The following SGCD variants were observed in gnomAD, a reference collection of about 807,000 sequenced individuals.
SGCD encodes the protein delta-sarcoglycan.
In SGCD, 18 loss-of-function variants were observed where a neutral mutation model predicts 36.6. The observed-to-expected ratio is 0.49, with a 90% CI of 0.34 to 0.73. SGCD has a LOEUF of 0.73. SGCD is among the 30% of genes least tolerant of loss of function. SGCD has a pLI of 0.01. For missense variants in SGCD, 387 were observed against 346.7 expected (o/e 1.12, Z -0.92); for synonymous variants, 133 against 130.6 (o/e 1.02, Z -0.12).
At chr5:156,608,126 T>C (rs1268821984) in intron 6 of SGCD, among the ~76,000 whole-genome samples, 2 of 152,242 alleles carry the variant, frequency 1.3e-5, no homozygotes, top group Non-Finnish European at 2.9e-5. Flanking sequence ...GTCCTTTTAA[T>C]TGTGATGTTA....
chr5:156,649,828 T>A (rs1414368361), intron 7 of SGCD, among the ~76,000 whole-genome samples: 1 of 152,132 alleles, frequency 6.6e-6, no homozygotes, highest in East Asian at 1.9e-4. Context: ...AACCTGCACG[T>A]TGTGCACATG....
intron 3 of SGCD, among the ~76,000 whole-genome samples, chr5:156,366,324 G>T (rs1034931780): frequency 5.9e-5 from 9 of 152,192 alleles, no homozygotes; most frequent in Non-Finnish European, 1.2e-4. Context: ...AGGTCAGGTG[G>T]TGGTGGAACA....
At chr5:155,757,050 G>A in the SGCD span, among the ~76,000 whole-genome samples, 1 of 152,212 alleles carries the variant, frequency 6.6e-6, no homozygotes, top group East Asian at 1.9e-4. Context: ...CGGGGTCTAT[G>A]CTGAAAGAGG....
chr5:156,221,775 C>T (rs1764722007), intron 3 of SGCD, among the ~76,000 whole-genome samples: 1 of 151,884 alleles, frequency 6.6e-6, no homozygotes, highest in Non-Finnish European at 1.5e-5. Context: ...GCTCTTTAAG[C>T]AAGTAATATA....
chr5:155,789,029 G>T, the SGCD span, among the ~76,000 whole-genome samples: 3 of 152,186 alleles, frequency 2.0e-5, no homozygotes, highest in Non-Finnish European at 2.9e-5. Context: ...TTTTAAATTT[G>T]CCATGTAGAT....
At chr5:155,935,361 T>C (rs1399603810) in intron 1 of SGCD, among the ~76,000 whole-genome samples, 1 of 152,214 alleles carries the variant, frequency 6.6e-6, no homozygotes, top group African/African-American at 2.4e-5. Context: ...TTCTTTCCCC[T>C]GGCTGGGCTA....
chr5:156,315,014 T>G (rs974696176), intron 3 of SGCD, among the ~76,000 whole-genome samples: 7 of 152,158 alleles, frequency 4.6e-5, no homozygotes, highest in Admixed American at 3.9e-4. Context: ...ATCAATCTAA[T>G]TAACATAGCC....
chr5:156,273,341 G>A (rs555524440), intron 3 of SGCD, among the ~76,000 whole-genome samples: 31 of 152,308 alleles, frequency 2.0e-4, no homozygotes, highest in African/African-American at 7.2e-4. Flanking sequence ...ACTGCAATAG[G>A]CTGAGTTGAA....
At chr5:156,153,280 G>A (rs1226726831) in intron 3 of SGCD, among the ~76,000 whole-genome samples, 1 of 150,908 alleles carries the variant, frequency 6.6e-6, no homozygotes, top group Non-Finnish European at 1.5e-5. Flanking sequence ...GGGAAAAATA[G>A]GACTTTGGTT....
chr5:156,032,151 A>G (rs1443348416), intron 1 of SGCD, among the ~76,000 whole-genome samples: 1 of 152,250 alleles, frequency 6.6e-6, no homozygotes, highest in African/African-American at 2.4e-5. Context: ...TAAAAAAAAA[A>G]ACCTAACAGT....
chr5:156,143,696 T>G (rs1241870688), intron 3 of SGCD, among the ~76,000 whole-genome samples: 2 of 152,322 alleles, frequency 1.3e-5, no homozygotes, highest in Non-Finnish European at 2.9e-5. Flanking sequence ...GGTTTTGGAC[T>G]TGCATACGGC....
intron 4 of SGCD, among the ~76,000 whole-genome samples, chr5:156,513,691 A>G (rs1292522372): frequency 2.0e-5 from 3 of 152,248 alleles, no homozygotes; most frequent in Non-Finnish European, 4.4e-5. Context: ...ACTGTATCTG[A>G]TTTCATTACT....
intron 4 of SGCD, among the ~76,000 whole-genome samples, chr5:156,583,315 C>T (rs1318048699): frequency 6.6e-6 from 1 of 152,172 alleles, no homozygotes; most frequent in Non-Finnish European, 1.5e-5. Flanking sequence ...ACCTCCTGCC[C>T]TGTAGCTCAG....
At chr5:156,555,892 T>C (rs1227097216) in intron 4 of SGCD, among the ~76,000 whole-genome samples, 2 of 152,088 alleles carry the variant, frequency 1.3e-5, no homozygotes, top group Non-Finnish European at 2.9e-5. Context: ...TGTACAAGTC[T>C]TTTACTTTTT....
At chr5:156,128,495 A>G (rs1762234377) in intron 3 of SGCD, among the ~76,000 whole-genome samples, 1 of 152,208 alleles carries the variant, frequency 6.6e-6, no homozygotes, top group Non-Finnish European at 1.5e-5. Context: ...AAAAATGGAT[A>G]AACTCTTACA....
intron 1 of SGCD, among the ~76,000 whole-genome samples, chr5:156,060,309 G>T (rs1330686379): frequency 6.9e-6 from 1 of 145,792 alleles, no homozygotes; most frequent in Non-Finnish European, 1.5e-5. Flanking sequence ...TGAAGCACCT[G>T]TCAAAATTTT....
In SGCD at chr5:156,423,279, AT is replaced by A. The variant is rs1773459238; in HGVS notation, c.192+78604del. On this transcript the variant is annotated intron_variant, in intron 3 of 8. Coordinates refer to ENST00000337851, the MANE Select transcript of SGCD (RefSeq NM_000337.6). ...ATATTTTATTATAATATAACATTATATTATATTTTATTATAATATAATATAT... is the reference window on the plus strand; with the variant it reads ...ATATTTTATTATAATATAACATTATATATATTTTATTATAATATAATATAT... Among the ~76,000 whole-genome samples, 3 of 100,584 alleles carry A rather than the reference AT, an allele frequency of 3.0e-5. No homozygotes were observed. The South Asian group carries it at 8.9e-4, about 30-fold the overall frequency. 66.0% of individuals were successfully genotyped at this position (100,584 alleles called of 152,430 possible).
At chr5:156,531,563 A>G (rs1339163440) in intron 4 of SGCD, among the ~76,000 whole-genome samples, 2 of 152,198 alleles carry the variant, frequency 1.3e-5, no homozygotes, top group Non-Finnish European at 2.9e-5. Flanking sequence ...TCTCCACACA[A>G]CACATCACAG....
At chr5:156,099,346 A>T (rs1483068337) in intron 1 of SGCD, among the ~76,000 whole-genome samples, 1 of 152,112 alleles carries the variant, frequency 6.6e-6, no homozygotes, top group Non-Finnish European at 1.5e-5. Context: ...CTCTACCCAA[A>T]TGCATTTCCC....
Sources: gnomAD v4.1 joint callset for allele counts (sites outside exome capture counted in the v4.1 genomes callset) on GRCh38, gnomAD v4.1.1 for gene constraint, MANE v1.5 for transcripts, NCBI Gene and HGNC (gene_info 2026-07-23, HGNC 2026-07-21) for gene names.